The following GRM7 variants were observed in gnomAD, a reference collection of about 807,000 sequenced individuals.
GRM7 encodes the protein glutamate metabotropic receptor 7.
GRM7 carries 35 observed loss-of-function variants against 84.5 expected under a neutral mutation model. The observed-to-expected ratio is 0.41, with a 90% CI of 0.32 to 0.55. GRM7 has a LOEUF of 0.55. Ranked by LOEUF, GRM7 falls within the 20% of genes least tolerant of loss-of-function variation. The pLI is 0.19. For synonymous variants in GRM7, 487 were observed against 455.1 expected, an observed-to-expected ratio of 1.07 and a Z score of -0.89; for missense variants, 1,003 against 1,194.6, an observed-to-expected ratio of 0.84 and a Z score of 2.36.
intron 1 of GRM7, among the ~76,000 whole-genome samples, chr3:7,051,007 C>G (rs1203993908): frequency 6.6e-6 from 1 of 151,736 alleles, no homozygotes; most frequent in Non-Finnish European, 1.5e-5. Context: ...TTAGTTTGCT[C>G]ACTATTTTTA....
rs1440514723 is a variant in GRM7, at chr3:7,634,468, C to T, written c.2452-45581C>T. 4.8e-5 allele frequency among the ~76,000 whole-genome samples: 4 copies of T among 82,832 alleles called. No individual in the cohort carries two copies. The Admixed American group carries it at 5.8e-4, about 12-fold the overall frequency. The allele number at this position is 82,832 out of a possible 152,430, so 54.3% of individuals were successfully genotyped here. On this transcript the variant is annotated intron_variant, in intron 8 of 9. Transcript: ENST00000357716. ...GTTGAATGATGGAAATCCAACTTTG[C>T]ACTTTTTTTCCAAAAAAAAAAAAAA...
chr3:7,662,752 T>A (rs1257656003), intron 8 of GRM7, among the ~76,000 whole-genome samples: 7 of 152,236 alleles, frequency 4.6e-5, no homozygotes, highest in Admixed American at 1.3e-4. Flanking sequence ...TGAATCTGCA[T>A]GCAGAGTGTA....
In GRM7 at chr3:7,550,575, CTCTGTGTG is replaced by C. The variant is rs1248873487; in HGVS notation, c.1516-27845_1516-27838del. Among the ~76,000 whole-genome samples the C allele has an allele frequency of 2.7e-3, 108 of 40,638 alleles. 1 individual carries two copies. The highest frequency in any genetic ancestry group is 3.4e-3 in the Admixed American group (11 of 3,252). 26.7% of individuals were successfully genotyped at this position (40,638 alleles called of 152,430 possible). A position where few individuals can be genotyped will look rare whatever the true frequency, so the allele number is the denominator to read the frequency against. On this transcript the variant is annotated intron_variant, in intron 7 of 9. Coordinates refer to ENST00000357716, the MANE Select transcript of GRM7 (RefSeq NM_000844.4). ...TCTCTCTCTCTCTCTCTCTCTCTCTCTCTGTGTGTGTGTGTGTGTGTGTGTGTGTGTGT... is the reference window on the plus strand; with the variant it reads ...TCTCTCTCTCTCTCTCTCTCTCTCTCTGTGTGTGTGTGTGTGTGTGTGTGT...
chr3:7,044,665 T>G (rs1337715715), intron 1 of GRM7, among the ~76,000 whole-genome samples: 1 of 152,200 alleles, frequency 6.6e-6, no homozygotes, highest in Non-Finnish European at 1.5e-5. Flanking sequence ...CATTTCAGAA[T>G]CTTTTCTACG....
At chr3:7,124,165 G>C (rs2125046582) in intron 1 of GRM7, among the ~76,000 whole-genome samples, 1 of 152,192 alleles carries the variant, frequency 6.6e-6, no homozygotes, top group Non-Finnish European at 1.5e-5. Flanking sequence ...TACAGTCAAA[G>C]CAAAAGACAT....
At chr3:7,716,008 T>C (rs1262309602) in intron 9 of GRM7, among the ~76,000 whole-genome samples, 1 of 152,088 alleles carries the variant, frequency 6.6e-6, no homozygotes, top group Non-Finnish European at 1.5e-5. Flanking sequence ...CCCCTTCTAA[T>C]TCCTTACCAG....
chr3:7,207,329 A>C lies in GRM7; in HGVS notation c.736+60661A>C, dbSNP rs557496860. On this transcript the variant is annotated intron_variant, in intron 2 of 9. Transcript: ENST00000357716. ...GACAGGGCAGGGCTTCTGCATCAGG[A>C]GCTTGCAAAGTGGCCCGGATGCCTC... Among the ~76,000 whole-genome samples the C allele has an allele frequency of 3.3e-5, 5 of 152,232 alleles. No individual in the cohort carries two copies. The South Asian group carries it at 1.0e-3, about 32-fold the overall frequency.
At chr3:7,382,611 T>C (rs992295815) in intron 4 of GRM7, among the ~76,000 whole-genome samples, 1 of 152,190 alleles carries the variant, frequency 6.6e-6, no homozygotes, top group Non-Finnish European at 1.5e-5. Flanking sequence ...CTGAAGACAC[T>C]TCATAAAAGC....
intron 1 of GRM7, among the ~76,000 whole-genome samples, chr3:7,132,294 C>T (rs1028337353): frequency 5.9e-5 from 9 of 152,134 alleles, no homozygotes; most frequent in African/African-American, 2.2e-4. Flanking sequence ...ATATTCCTTA[C>T]TTGGTATGTA....
intron 8 of GRM7, among the ~76,000 whole-genome samples, chr3:7,642,163 G>A (rs1477166674): frequency 6.6e-6 from 1 of 152,068 alleles, no homozygotes; most frequent in Admixed American, 6.6e-5. Context: ...GAGAGTCTTC[G>A]TAAATGTACA....
At chr3:6,995,823 T>G (rs1454809130) in intron 1 of GRM7, among the ~76,000 whole-genome samples, 2 of 152,140 alleles carry the variant, frequency 1.3e-5, no homozygotes, top group African/African-American at 4.8e-5. Context: ...CAAGGGACCA[T>G]GGGAAGAAGT....
chr3:7,454,312 A>G (rs914165541), intron 6 of GRM7, among the ~76,000 whole-genome samples: 1 of 152,196 alleles, frequency 6.6e-6, no homozygotes, highest in African/African-American at 2.4e-5. Flanking sequence ...AAGACATAGG[A>G]GAAAGCACAC....
chr3:7,102,487 A>G (rs141625988), intron 1 of GRM7, among the ~76,000 whole-genome samples: 3 of 151,788 alleles, frequency 2.0e-5, no homozygotes, highest in Middle Eastern at 3.4e-3. Context: ...GAGTTTGGCT[A>G]TGATGTGCCC....
chr3:7,260,673 T>TTGTGTGTGTGTGTC (rs1698387925), intron 2 of GRM7, among the ~76,000 whole-genome samples: 1 of 144,428 alleles, frequency 6.9e-6, no homozygotes, highest in Admixed American at 7.0e-5. Context: ...TTCTTTTGAA[T>TTGTGTGTGTGTGTC]TGTGTGTGTG....
At position 7,426,075 on chromosome 3, in the gene GRM7, T is replaced by C. The variant is rs980710826; in HGVS notation, c.1174+10912T>C. 2.3e-4 allele frequency among the ~76,000 whole-genome samples: 35 copies of C among 151,800 alleles called. 1 individual carries two copies. The highest frequency in any genetic ancestry group is 7.7e-4 in the African/African-American group (32 of 41,328). ...AACTAATTCCTCAACATTTAAGACA[T>C]TTCAGTGGCCATATCATACGTTCTT... On this transcript the variant is annotated intron_variant, in intron 5 of 9. Transcript: ENST00000357716.
intron 2 of GRM7, among the ~76,000 whole-genome samples, chr3:7,209,044 C>T (rs961360301): frequency 6.6e-6 from 1 of 152,166 alleles, no homozygotes; most frequent in African/African-American, 2.4e-5. Flanking sequence ...ATCTCACAGC[C>T]TTGCCTAGTC....
chr3:7,088,667 CA>C (rs1345243556), intron 1 of GRM7, among the ~76,000 whole-genome samples: 1 of 49,976 alleles, frequency 2.0e-5, no homozygotes, highest in African/African-American at 2.2e-4. Flanking sequence ...TCTGAAGCCA[CA>C]AGGACATTGG....
At chr3:7,728,194 T>C (rs1702196922) in intron 9 of GRM7, among the ~76,000 whole-genome samples, 1 of 152,184 alleles carries the variant, frequency 6.6e-6, no homozygotes, top group Non-Finnish European at 1.5e-5. Context: ...TAAGAGGACA[T>C]TGTTCCCAGA....
At chr3:7,404,654 G>A (rs1326337034) in intron 4 of GRM7, among the ~76,000 whole-genome samples, 1 of 152,032 alleles carries the variant, frequency 6.6e-6, no homozygotes, top group Admixed American at 6.6e-5. Context: ...TGTGCTCCCT[G>A]GAATTTAGCA....
Sources: allele counts gnomAD v4.1 joint callset (sites outside exome capture counted in the v4.1 genomes callset), GRCh38; gene constraint gnomAD v4.1.1; transcripts MANE v1.5; gene names NCBI Gene and HGNC (gene_info 2026-07-23, HGNC 2026-07-21).